Variants in RNF216 observed in about 807,000 individuals in gnomAD.
RNF216 encodes the protein ring finger protein 216.
In RNF216, 72 loss-of-function variants were observed where a neutral mutation model predicts 110.8. That is an observed-to-expected ratio of 0.65 (90% CI 0.54 to 0.79). The LOEUF (loss-of-function observed/expected upper bound fraction) is 0.79, where lower values mean the gene tolerates loss of function less well. RNF216 is among the 30% of genes least tolerant of loss of function. RNF216 has a pLI of 0.00. For missense variants in RNF216, 1,342 were observed against 1,141.2 expected (o/e 1.18, Z -2.54); for synonymous variants, 495 against 407.5 (o/e 1.21, Z -2.59).
At chr7:5,653,324 C>G (rs547518901) in intron 13 of RNF216, among the ~76,000 whole-genome samples, 2 of 152,208 alleles carry the variant, frequency 1.3e-5, no homozygotes, top group South Asian at 4.1e-4. Flanking sequence ...GGCGCGGTGG[C>G]TCACACCTGT....
intron 13 of RNF216, among the ~76,000 whole-genome samples, chr7:5,677,810 G>A (rs551895230): frequency 6.2e-4 from 94 of 152,278 alleles, no homozygotes; most frequent in Non-Finnish European, 1.1e-3. Context: ...GACCATTAGA[G>A]TAACTAAATC....
At position 5,753,457 on chromosome 7, in the gene RNF216, C is replaced by T. The variant is rs59608453; in HGVS notation, c.68-478G>A. 4.9e-3 allele frequency among the ~76,000 whole-genome samples: 747 copies of T among 152,268 alleles called. 3 individuals carry two copies. The highest frequency in any genetic ancestry group is 0.016 in the African/African-American group (667 of 41,542). On this transcript the variant is annotated intron_variant, in intron 2 of 16. Coordinates refer to ENST00000389902, the MANE Select transcript of RNF216 (RefSeq NM_207111.4). ...AAACTTTAAGAATCATTTAAGCAAA[C>T]CTATGTCAATGCTTTAGTCAAGCAC...
chr7:5,738,967 A>C (rs1320554637), intron 5 of RNF216, among the ~76,000 whole-genome samples: 3 of 152,210 alleles, frequency 2.0e-5, no homozygotes, highest in Non-Finnish European at 2.9e-5. Context: ...AAGTGAAATA[A>C]GCCAGTCAGA....
At chr7:5,740,908 A>G in intron 4 of RNF216, 65 bp downstream of exon 4, 1 of 1,255,954 alleles carries the variant, frequency 8.0e-7, no homozygotes, top group Non-Finnish European at 1.1e-6. Context: ...TTTGCAATGA[A>G]AAAAAAAAAA....
At chr7:5,705,917 TAAAACAAAACAAAACAAAAC>T (rs55645443) in intron 13 of RNF216, among the ~76,000 whole-genome samples, 125 of 144,072 alleles carry the variant, frequency 8.7e-4, no homozygotes, top group African/African-American at 1.6e-3. Flanking sequence ...CAACAAAAAC[TAAAACAAAACAAAACAAAAC>T]AAAACAAAAC....
chr7:5,652,319 G>C, intron 14 of RNF216, 94 bp downstream of exon 14: 1 of 894,406 alleles, frequency 1.1e-6, no homozygotes, highest in Non-Finnish European at 1.9e-6. Context: ...GCTCAAGCGT[G>C]TTCTTCCGAC....
intron 13 of RNF216, among the ~76,000 whole-genome samples, chr7:5,707,115 A>G (rs1792343737): frequency 1.3e-5 from 2 of 152,180 alleles, no homozygotes; most frequent in African/African-American, 4.8e-5. Flanking sequence ...TGAGCACTGT[A>G]TTATGTTCCA....
intron 7 of RNF216, among the ~76,000 whole-genome samples, chr7:5,727,679 C>T (rs923517590): frequency 5.3e-5 from 8 of 152,094 alleles, no homozygotes; most frequent in South Asian, 2.1e-4. Flanking sequence ...CAATAAGCCA[C>T]GATTGGGCCA....
chr7:5,671,800 C>T (rs531745869), intron 13 of RNF216, among the ~76,000 whole-genome samples: 28 of 106,300 alleles, frequency 2.6e-4, no homozygotes, highest in South Asian at 2.0e-3. Context: ...ACCAAAACTC[C>T]GTCTCAAAAA....
chr7:5,724,903 G>A (rs1326039477), intron 8 of RNF216, among the ~76,000 whole-genome samples: 1 of 152,122 alleles, frequency 6.6e-6, no homozygotes, highest in African/African-American at 2.4e-5. Context: ...ACAGAATTTT[G>A]GAGAAACGTG....
chr7:5,717,951 C>T (rs1214964264), intron 9 of RNF216, among the ~76,000 whole-genome samples: 1 of 152,000 alleles, frequency 6.6e-6, no homozygotes, highest in East Asian at 1.9e-4. Flanking sequence ...CATGGTGGCA[C>T]ACACCTGTAA....
At chr7:5,737,384 C>T (rs959893500) in intron 5 of RNF216, among the ~76,000 whole-genome samples, 15 of 152,196 alleles carry the variant, frequency 9.9e-5, no homozygotes, top group East Asian at 3.9e-4. Context: ...ACAAACACTG[C>T]GGAAGACCCC....
intron 13 of RNF216, among the ~76,000 whole-genome samples, chr7:5,704,617 G>A (rs866041152): frequency 6.6e-5 from 10 of 152,284 alleles, no homozygotes; most frequent in Non-Finnish European, 8.8e-5. Flanking sequence ...ACACCCAAGA[G>A]GAAGAAAACC....
intron 3 of RNF216, among the ~76,000 whole-genome samples, chr7:5,745,800 G>A (rs1200390269): frequency 1.3e-5 from 2 of 151,434 alleles, no homozygotes; most frequent in Admixed American, 6.6e-5. Flanking sequence ...CTCTCGGGAG[G>A]CTGAGGCAGG....
chr7:5,754,007 A>C (rs976080603), intron 2 of RNF216, among the ~76,000 whole-genome samples: 2 of 152,076 alleles, frequency 1.3e-5, no homozygotes, highest in African/African-American at 4.8e-5. Context: ...ATTTTAAAAA[A>C]AATGCATTAA....
intron 13 of RNF216, among the ~76,000 whole-genome samples, chr7:5,691,441 G>A (rs561215248): frequency 1.3e-5 from 2 of 151,832 alleles, no homozygotes; most frequent in African/African-American, 4.8e-5. Flanking sequence ...ATGCGTAAGT[G>A]TACAAGAGAG....
intron 5 of RNF216, among the ~76,000 whole-genome samples, chr7:5,738,927 G>A (rs1007971587): frequency 2.6e-5 from 4 of 152,028 alleles, no homozygotes; most frequent in Admixed American, 6.6e-5. Context: ...ATGTCAGAAC[G>A]AACAAGGTCA....
At chr7:5,707,852 A>G (rs922475359) in intron 13 of RNF216, among the ~76,000 whole-genome samples, 10 of 151,648 alleles carry the variant, frequency 6.6e-5, no homozygotes, top group African/African-American at 2.2e-4. Flanking sequence ...CAGCCTCCCA[A>G]GTAGCTGCGA....
At chr7:5,717,542 C>G (rs114789414) in intron 9 of RNF216, among the ~76,000 whole-genome samples, 212 of 152,214 alleles carry the variant, frequency 1.4e-3, no homozygotes, top group African/African-American at 4.4e-3. Context: ...TGGGCAGAAA[C>G]AGGGAATGAT....
Sources: allele counts gnomAD v4.1 joint callset (sites outside exome capture counted in the v4.1 genomes callset), GRCh38; gene constraint gnomAD v4.1.1; transcripts MANE v1.5; gene names NCBI Gene and HGNC (gene_info 2026-07-23, HGNC 2026-07-21).